Variants in CCDC63 observed in about 807,000 individuals in gnomAD.
CCDC63 encodes coiled-coil domain containing 63.
A neutral mutation model predicts 63.6 loss-of-function variants in CCDC63; 54 were observed. That is an observed-to-expected ratio of 0.85 (90% CI 0.68 to 1.07). The LOEUF is 1.07. Ranked by LOEUF, CCDC63 falls within the 50% of genes least tolerant of loss-of-function variation. CCDC63 has a pLI of 0.00. For missense variants in CCDC63, 637 were observed against 689.6 expected, an observed-to-expected ratio of 0.92 and a Z score of 0.86; for synonymous variants, 253 against 266.1, an observed-to-expected ratio of 0.95 and a Z score of 0.48.
intron 3 of CCDC63, among the ~76,000 whole-genome samples, chr12:110,855,150 A>G (rs1004945835): frequency 5.9e-5 from 9 of 152,338 alleles, no homozygotes; most frequent in African/African-American, 1.9e-4. Flanking sequence ...GGGCTAGCCC[A>G]TAAGGGACCT....
At position 110,881,198 on chromosome 12, in the gene CCDC63, T is replaced by C. The variant is rs2071203421; in HGVS notation, c.755T>C (p.Leu252Pro). 2 of 1,613,796 alleles carry C rather than the reference T, an allele frequency of 1.2e-6. No homozygotes were observed. Among genetic ancestry groups the C allele is most frequent in the Non-Finnish European group, 1.7e-6 (2 of 1,179,986 alleles). ...TSQYNLEIRE[L>P]ERLYAHESKL... ...CAGTACAACCTGGAGATCCGAGAGC[T>C]GGAGCGTCTCTATGCCCATGAGAGC... Residue 252 changes from leucine to proline, a missense_variant, in exon 7 of 12, where the codon CTG becomes CCG. Coordinates refer to ENST00000308208, the MANE Select transcript of CCDC63 (RefSeq NM_152591.3).
chr12:110,864,479 T>C (rs1272720462), intron 4 of CCDC63, among the ~76,000 whole-genome samples: 1 of 150,146 alleles, frequency 6.7e-6, no homozygotes, highest in Non-Finnish European at 1.5e-5. Flanking sequence ...ATCCCAGCAC[T>C]TTGGGAGGCT....
intron 4 of CCDC63, 33 bp downstream of exon 4, chr12:110,858,808 C>T: frequency 6.3e-7 from 1 of 1,592,004 alleles, no homozygotes; most frequent in Non-Finnish European, 8.6e-7. Flanking sequence ...TTAACCAGAA[C>T]ACAGAGCAAA....
chr12:110,871,354 G>A (rs1481559418), intron 4 of CCDC63, among the ~76,000 whole-genome samples: 1 of 152,044 alleles, frequency 6.6e-6, no homozygotes, highest in Non-Finnish European at 1.5e-5. Context: ...TGTTAGCTAG[G>A]ATGGTCTTGA....
Position 110,899,131 on chromosome 12 carries a change from T to G in CCDC63, c.1342+6T>G. The G allele has an allele frequency of 6.2e-7, 1 of 1,605,972 alleles. No homozygotes were observed. Among genetic ancestry groups the G allele is most frequent in the Non-Finnish European group, 8.5e-7 (1 of 1,175,886 alleles). ...CAACCTTCCGCAGTATTTTGGTGAG[T>G]CAAGCTGGGGCCCGTTGGAGTCTTA... On this transcript the variant is annotated splice_donor_region_variant and intron_variant, in intron 10 of 11. Transcript: ENST00000308208.
At chr12:110,886,099 T>C (rs2071275329) in intron 8 of CCDC63, among the ~76,000 whole-genome samples, 1 of 151,946 alleles carries the variant, frequency 6.6e-6, no homozygotes, top group Admixed American at 6.6e-5. Flanking sequence ...CCAACATGGG[T>C]AAATTGGCCA....
At chr12:110,891,054 C>T (rs1474293474) in intron 8 of CCDC63, among the ~76,000 whole-genome samples, 1 of 152,114 alleles carries the variant, frequency 6.6e-6, no homozygotes, top group Non-Finnish European at 1.5e-5. Context: ...ACTGGGATAA[C>T]AGGCATGAGC....
At chr12:110,906,010 ATAT>A (rs369373317) in intron 11 of CCDC63, among the ~76,000 whole-genome samples, 22 of 5,942 alleles carry the variant, frequency 3.7e-3, no homozygotes, top group South Asian at 0.011. Flanking sequence ...ATATTATATA[ATAT>A]AATATATATT....
At chr12:110,877,321 T>C (rs969974193) in intron 5 of CCDC63, among the ~76,000 whole-genome samples, 32 of 151,220 alleles carry the variant, frequency 2.1e-4, no homozygotes, top group African/African-American at 7.8e-4. Context: ...CAAGCAATCC[T>C]CCTGCCTCAG....
chr12:110,876,310 G>T (rs1318170385), intron 5 of CCDC63, among the ~76,000 whole-genome samples: 2 of 152,084 alleles, frequency 1.3e-5, no homozygotes, highest in African/African-American at 2.4e-5. Context: ...CAAATGAGTG[G>T]TAACTGATAA....
intron 5 of CCDC63, among the ~76,000 whole-genome samples, chr12:110,877,013 C>T (rs1319767996): frequency 6.6e-6 from 1 of 151,944 alleles, no homozygotes; most frequent in African/African-American, 2.4e-5. Context: ...GAGCGAGACC[C>T]TGTTTCATAA....
Position 110,881,216 on chromosome 12 carries a change from A to C in CCDC63, c.773A>C (p.His258Pro). ...CGAGAGCTGGAGCGTCTCTATGCCC[A>C]TGAGAGCAAGCTCAAGTCCTTCCTG... ...EIRELERLYA[H>P]ESKLKSFLLV... Residue 258 changes from histidine (H) to proline (P), a missense_variant, in exon 7 of 12, where the codon CAT (histidine) becomes CCT (proline). Transcript: ENST00000308208. 1 of 1,613,908 alleles carries C rather than the reference A, an allele frequency of 6.2e-7. No homozygotes were observed. Among genetic ancestry groups the C allele is most frequent in the African/African-American group, 1.3e-5 (1 of 75,018 alleles).
intron 3 of CCDC63, among the ~76,000 whole-genome samples, chr12:110,854,255 CTTTTTTTT>C (rs59793950): frequency 1.3e-3 from 142 of 106,752 alleles, no homozygotes; most frequent in African/African-American, 4.9e-3. Flanking sequence ...CATTTCTTTT[CTTTTTTTT>C]TTTTTTTTGG....
rs2071250257 is a variant in CCDC63 at position 110,884,276 on chromosome 12, C to A, written c.1074+26C>A. On this transcript the variant is annotated intron_variant, in intron 8 of 11. Transcript: ENST00000308208. ...GTCAGGGCGGCTCTGCTTTCCCAGG[C>A]CCTGGGCCCCTGTGTCCACAGCAGC... 3 of 1,575,136 alleles carry A rather than the reference C, an allele frequency of 1.9e-6. No individual in the cohort carries two copies. In the South Asian group the frequency reaches 3.3e-5, roughly 17 times the overall value.
chr12:110,862,178 G>A (rs1464973619), intron 4 of CCDC63, among the ~76,000 whole-genome samples: 2 of 152,180 alleles, frequency 1.3e-5, no homozygotes, highest in African/African-American at 4.8e-5. Context: ...GAGGAGCTGG[G>A]GCCATGGGTC....
chr12:110,891,356 A>G (rs895724782), intron 8 of CCDC63, among the ~76,000 whole-genome samples: 1 of 151,884 alleles, frequency 6.6e-6, no homozygotes. Flanking sequence ...AAAAACAAAA[A>G]AAATGCATTC....
intron 4 of CCDC63, among the ~76,000 whole-genome samples, chr12:110,860,520 T>C (rs1055082586): frequency 2.6e-5 from 4 of 152,390 alleles, no homozygotes; most frequent in African/African-American, 9.6e-5. Flanking sequence ...ACATTTACTA[T>C]TTCTATTATA....
intron 5 of CCDC63, among the ~76,000 whole-genome samples, chr12:110,876,704 C>T (rs1049921335): frequency 2.6e-5 from 4 of 151,728 alleles, no homozygotes; most frequent in Non-Finnish European, 4.4e-5. Flanking sequence ...GAGCACTTTA[C>T]GTGGTCTTTT....
At chr12:110,858,988 G>T (rs142676344) in intron 4 of CCDC63, among the ~76,000 whole-genome samples, 1 of 152,054 alleles carries the variant, frequency 6.6e-6, no homozygotes, top group African/African-American at 2.4e-5. Context: ...CCATCCCTCC[G>T]CCGTGCTCCC....
Sources: gnomAD v4.1 joint callset for allele counts (sites outside exome capture counted in the v4.1 genomes callset) on GRCh38, gnomAD v4.1.1 for gene constraint, MANE v1.5 for transcripts, NCBI Gene and HGNC (gene_info 2026-07-23, HGNC 2026-07-21) for gene names.